SEC16B: variants seen among roughly 807,000 people sequenced by gnomAD.
SEC16B encodes SEC16 homolog B, endoplasmic reticulum export factor.
In SEC16B, 115 loss-of-function variants were observed where a neutral mutation model predicts 141.8. The ratio of observed to expected loss-of-function variants is 0.81; its 90% CI spans 0.70 to 0.95. The LOEUF (loss-of-function observed/expected upper bound fraction) is 0.95, where lower values mean the gene tolerates loss of function less well. Among genes scored for constraint, SEC16B ranks in the 40% least tolerant of loss-of-function variants. The pLI, the probability that SEC16B is intolerant of heterozygous loss-of-function variation, is 0.00. For synonymous variants in SEC16B, 493 were observed against 492.5 expected (o/e 1.00, Z -0.01); for missense variants, 1,291 against 1,312.3 (o/e 0.98, Z 0.25).
chr1:177,929,732 TG>T lies in SEC16B; in HGVS notation c.*125del. The T allele has an allele frequency of 1.1e-6, 1 of 938,606 alleles. No individual in the cohort carries two copies. Among genetic ancestry groups the T allele is most frequent in the Non-Finnish European group, 1.7e-6 (1 of 597,590 alleles). 58.1% of individuals were successfully genotyped at this position (938,606 alleles called of 1,614,324 possible). On this transcript the variant is annotated 3_prime_UTR_variant, in exon 26 of 26. Transcript: ENST00000308284. ...GTCCTCTTGCCTTCTAAGTGCCCGGTGGAGGCATCGGGCTAGCACAAACCTC... is the reference window on the plus strand; with the variant it reads ...GTCCTCTTGCCTTCTAAGTGCCCGGTGAGGCATCGGGCTAGCACAAACCTC...
Position 177,969,936 on chromosome 1 carries a change from A to C in SEC16B, c.-111T>G, listed in dbSNP as rs1653851182. Reference sequence around the variant, plus strand: ...CAGCGCTGCTCCAGGGACCTGGCCCAAGAGTGCCTCCTCTCCTCTTGGAGA... The same window carrying C: ...CAGCGCTGCTCCAGGGACCTGGCCCCAGAGTGCCTCCTCTCCTCTTGGAGA... On this transcript the variant is annotated 5_prime_UTR_variant, in exon 1 of 26. Transcript: ENST00000308284. The C allele has an allele frequency of 6.6e-6, 1 of 152,252 alleles. No homozygotes were observed. The highest frequency in any genetic ancestry group is 6.5e-5 in the Admixed American group (1 of 15,278). 9.4% of individuals were successfully genotyped at this position (152,252 alleles called of 1,614,324 possible). A position where few individuals can be genotyped will look rare whatever the true frequency, so the allele number is the denominator to read the frequency against.
intron 24 of SEC16B, among the ~76,000 whole-genome samples, 164 bp downstream of exon 24, chr1:177,932,326 G>C (rs1356618055): frequency 6.6e-6 from 1 of 152,222 alleles, no homozygotes; most frequent in Non-Finnish European, 1.5e-5. Flanking sequence ...TGTGGTCTGA[G>C]CCTCTGTTCT....
intron 15 of SEC16B, among the ~76,000 whole-genome samples, chr1:177,943,504 G>A (rs1460753111): frequency 6.6e-6 from 1 of 152,220 alleles, no homozygotes; most frequent in African/African-American, 2.4e-5. Context: ...TGTGTTGTGT[G>A]TGCATGTTGT....
intron 19 of SEC16B, among the ~76,000 whole-genome samples, chr1:177,936,717 T>C (rs1025069158): frequency 1.3e-5 from 2 of 152,200 alleles, no homozygotes; most frequent in Non-Finnish European, 2.9e-5. Context: ...CTAATCATTC[T>C]AGATGGCTTC....
chr1:177,939,961 C>T (rs571789941), intron 17 of SEC16B, among the ~76,000 whole-genome samples, 184 bp from the exon 18 acceptor site: 1 of 152,252 alleles, frequency 6.6e-6, no homozygotes, highest in Admixed American at 6.5e-5. Flanking sequence ...CTGCTCAGAG[C>T]AGGCAGAGAT....
chr1:177,954,364 A>T lies in SEC16B; in HGVS notation c.1378T>A (p.Trp460Arg), dbSNP rs1231960259. ...CCCCACAAGTGGTTCTTCATGGCCC[A>T]CTCCAAGGCTTCCTGAAAACCAAAA... ...YYGRKKEALE[W>R]AMKNHLWGHA... Residue 460 changes from tryptophan to arginine, a missense_variant, in exon 11 of 26, where the codon TGG becomes AGG. Physicochemically the swap from Trp to Arg is moderately radical, Grantham distance 101 (BLOSUM62 -3). This residue lies in a region of SEC16B where 681 missense variants were observed against 675.5 expected (regional missense o/e 1.01). Transcript: ENST00000308284. 1 of 1,572,310 alleles carries T rather than the reference A, an allele frequency of 6.4e-7. No individual in the cohort carries two copies. The highest frequency in any genetic ancestry group is 8.6e-7 in the Non-Finnish European group (1 of 1,157,840).
Position 177,953,003 on chromosome 1 carries a change from A to ATTTT in SEC16B, c.1464-1012_1464-1009dup, listed in dbSNP as rs59988344. On this transcript the variant is annotated intron_variant, in intron 11 of 25. Transcript: ENST00000308284. ...GGACTGAACTTAACATGGAAGTGTC[A>ATTTT]TTTTTTTTTTTTTTTTTTTGAGACC... Among the ~76,000 whole-genome samples the ATTTT allele has an allele frequency of 6.8e-4, 87 of 127,950 alleles. 1 individual carries two copies. Among genetic ancestry groups the ATTTT allele is most frequent in the African/African-American group, 2.1e-3 (72 of 33,964 alleles). 83.9% of individuals were successfully genotyped at this position (127,950 alleles called of 152,430 possible). A position where few individuals can be genotyped will look rare whatever the true frequency, so the allele number is the denominator to read the frequency against.
intron 10 of SEC16B, 72 bp from the exon 11 acceptor site, chr1:177,954,448 T>C (rs779374385): frequency 2.4e-6 from 3 of 1,233,070 alleles, no homozygotes; most frequent in South Asian, 1.3e-5. Context: ...GCTTAGGTGC[T>C]GCTGCATCCT....
chr1:177,961,475 A>C, intron 6 of SEC16B, 115 bp downstream of exon 6: 1 of 1,156,702 alleles, frequency 8.6e-7, no homozygotes. Context: ...CAGGTGACCT[A>C]CATAAGCAAA....
At position 177,960,800 on chromosome 1, in the gene SEC16B, G is replaced by A. The variant is rs1453659765; in HGVS notation, c.927C>T (p.His309=). The A allele has an allele frequency of 5.6e-6, 9 of 1,611,232 alleles. No individual in the cohort carries two copies. Among genetic ancestry groups the A allele is most frequent in the Middle Eastern group, 3.3e-4 (2 of 6,074 alleles). The change falls in exon 7 of 26, where the codon CAC becomes CAT. Residue 309 remains histidine, a synonymous_variant. Transcript: ENST00000308284. ...TDGQAALVEL[H]SMEVILNDSE... Reference sequence around the variant, plus strand: ...ACTGGGTCTTCTTTACCTCCATGCTGTGCAGTTCAACAAGGGCTGCTTGCC... The same window carrying A: ...ACTGGGTCTTCTTTACCTCCATGCTATGCAGTTCAACAAGGGCTGCTTGCC...
chr1:177,966,536 G>A (rs1182301324), intron 2 of SEC16B, among the ~76,000 whole-genome samples: 1 of 151,946 alleles, frequency 6.6e-6, no homozygotes, highest in Non-Finnish European at 1.5e-5. Context: ...ACTGGGGAGA[G>A]GAACATCATA....
At chr1:177,941,813 T>C in intron 16 of SEC16B, 87 bp downstream of exon 16, 1 of 1,439,626 alleles carries the variant, frequency 6.9e-7, no homozygotes, top group East Asian at 2.3e-5. Context: ...TCAAAGAAGA[T>C]GAAATGTAGA....
chr1:177,950,317 C>G (rs1341064869), intron 12 of SEC16B, among the ~76,000 whole-genome samples: 1 of 152,134 alleles, frequency 6.6e-6, no homozygotes, highest in African/African-American at 2.4e-5. Context: ...GGAGAGGACC[C>G]CACAGCTCTC....
At chr1:177,932,834 T>A in intron 22 of SEC16B, 28 bp from the exon 23 acceptor site, 6 of 1,573,318 alleles carry the variant, frequency 3.8e-6, no homozygotes, top group Non-Finnish European at 5.2e-6. Context: ...AAAGGCAGCA[T>A]TGGCAACATT....
intron 11 of SEC16B, 91 bp from the exon 12 acceptor site, chr1:177,952,086 A>C (rs761200280): frequency 1.6e-4 from 171 of 1,094,830 alleles, no homozygotes; most frequent in Middle Eastern, 5.8e-4. Context: ...TAATTCTATT[A>C]GATTTTGGCA....
intron 12 of SEC16B, among the ~76,000 whole-genome samples, chr1:177,949,383 AAC>A (rs61635250): frequency 0.086 from 11,682 of 136,488 alleles, 529 homozygotes; most frequent in African/African-American, 0.14. Context: ...TCCCTTGCTA[AAC>A]ACACACACAC....
rs377454481 is a variant in SEC16B at position 177,933,605 on chromosome 1, G to T, written c.2603C>A (p.Ser868Tyr). The change falls in exon 21 of 26, where the codon TCT (serine) becomes TAT (tyrosine). Residue 868 changes from serine to tyrosine, a missense_variant. This residue lies in a region of SEC16B where 605 missense variants were observed against 614.1 expected (regional missense o/e 0.99). Transcript: ENST00000308284. ...TPLAARPRSISESSASSAKED... is the reference protein window; with the variant it reads ...TPLAARPRSIYESSASSAKED... The stretch of plus-strand genomic sequence containing the variant: ...CTTGGCTGAACTGGCGGAACTCTCA[G>T]AAATACTTCGTGGTCTAGCAGCCAA... The T allele has an allele frequency of 4.3e-6, 7 of 1,613,848 alleles. No individual in the cohort carries two copies. The African/African-American group carries it at 9.3e-5, about 22-fold the overall frequency.
intron 10 of SEC16B, among the ~76,000 whole-genome samples, chr1:177,957,126 G>A (rs935067847): frequency 6.6e-6 from 1 of 152,086 alleles, no homozygotes; most frequent in African/African-American, 2.4e-5. Context: ...CCTTTTAAAA[G>A]TGCATGCCCT....
chr1:177,932,799 G>T lies in SEC16B; in HGVS notation c.2831C>A (p.Pro944His). ...SSDSPDSEETPRASSPHQAGL... is the reference protein window; with the variant it reads ...SSDSPDSEETHRASSPHQAGL... Reference sequence around the variant, plus strand: ...AGCCTGGTGGGGAGAAGATGCTCTGGGGGTCTCCTGCTTTGTGGAGAAAGA... The same window carrying T: ...AGCCTGGTGGGGAGAAGATGCTCTGTGGGTCTCCTGCTTTGTGGAGAAAGA... Residue 944 changes from proline (P) to histidine (H), a missense_variant, in exon 23 of 26, where the codon CCC (proline) becomes CAC (histidine). Pro to His is a moderately conservative substitution (Grantham distance 77). Coordinates refer to ENST00000308284, the MANE Select transcript of SEC16B (RefSeq NM_033127.4). 1 of 1,610,608 alleles carries T rather than the reference G, an allele frequency of 6.2e-7. No homozygotes were observed. The highest frequency in any genetic ancestry group is 8.5e-7 in the Non-Finnish European group (1 of 1,178,750).
Sources: gnomAD v4.1 joint callset for allele counts (sites outside exome capture counted in the v4.1 genomes callset) on GRCh38, gnomAD v4.1.1 for gene constraint, gnomAD v4.1.1 regional missense constraint, MANE v1.5 for transcripts, NCBI Gene and HGNC (gene_info 2026-07-23, HGNC 2026-07-21) for gene names.